The following GPR158 variants were observed in gnomAD, a reference collection of about 807,000 sequenced individuals.
GPR158 encodes G protein-coupled receptor 158.
Under a neutral mutation model 78.2 loss-of-function variants are expected in GPR158, and 30 were observed. The observed-to-expected ratio is 0.38, with a 90% CI of 0.29 to 0.52. The LOEUF is 0.52. Among genes scored for constraint, GPR158 ranks in the 20% least tolerant of loss-of-function variants. The pLI, the probability that GPR158 is intolerant of heterozygous loss-of-function variation, is 0.83. For synonymous variants in GPR158, 581 were observed against 591.1 expected (o/e 0.98, Z 0.25); for missense variants, 1,463 against 1,523.5 (o/e 0.96, Z 0.66).
chr10:25,320,562 T>C (rs1243007477), intron 2 of GPR158, among the ~76,000 whole-genome samples: 5 of 152,232 alleles, frequency 3.3e-5, no homozygotes, highest in Admixed American at 6.5e-5. Context: ...CAGAGATACC[T>C]TTAATGATCT....
intron 5 of GPR158, among the ~76,000 whole-genome samples, chr10:25,524,812 T>C (rs779213138): frequency 4.6e-5 from 7 of 152,174 alleles, no homozygotes; most frequent in Non-Finnish European, 1.0e-4. Context: ...AAAAACTATG[T>C]TGCAAGTTAT....
At chr10:25,407,485 A>G (rs910183988) in intron 3 of GPR158, among the ~76,000 whole-genome samples, 15 of 152,066 alleles carry the variant, frequency 9.9e-5, no homozygotes, top group African/African-American at 3.1e-4. Context: ...CCTTTTTCAC[A>G]TGTGTCAAGA....
At chr10:25,463,395 C>CTGGATGGATGGA (rs10532888) in intron 4 of GPR158, among the ~76,000 whole-genome samples, 71 of 149,682 alleles carry the variant, frequency 4.7e-4, no homozygotes, top group African/African-American at 1.7e-3. Context: ...TGAGGTTTGT[C>CTGGATGGATGGA]TGGATGGATG....
At chr10:25,296,138 A>C (rs1689488341) in intron 2 of GPR158, among the ~76,000 whole-genome samples, 1 of 151,946 alleles carries the variant, frequency 6.6e-6, no homozygotes, top group South Asian at 2.1e-4. Flanking sequence ...CCTGGAACAC[A>C]AATAACGTCA....
chr10:25,324,194 C>T (rs824156), intron 2 of GPR158, among the ~76,000 whole-genome samples: 57,535 of 152,174 alleles, frequency 0.38, 13,376 homozygotes, highest in Non-Finnish European at 0.53. Flanking sequence ...CTAACTGTTT[C>T]GCACGAGAGG....
At chr10:25,270,111 A>G (rs1419638716) in intron 2 of GPR158, among the ~76,000 whole-genome samples, 1 of 152,190 alleles carries the variant, frequency 6.6e-6, no homozygotes, top group Admixed American at 6.5e-5. Flanking sequence ...GGACACACAG[A>G]ATCTTCAACA....
In GPR158 at chr10:25,541,049, G is replaced by GT. The variant is rs201617788; in HGVS notation, c.1405-9921dup. Among the ~76,000 whole-genome samples the GT allele has an allele frequency of 4.1e-4, 62 of 150,354 alleles. No homozygotes were observed. In the East Asian group the frequency reaches 0.012, roughly 28 times the overall value. ...CCATGTGTACAATTTGAATTTAAAA[G>GT]TTTTTTCCACAAGGAATGTACCACT... On this transcript the variant is annotated intron_variant, in intron 5 of 10. Coordinates refer to ENST00000376351, the MANE Select transcript of GPR158 (RefSeq NM_020752.3).
chr10:25,513,756 A>T (rs1588893709), intron 5 of GPR158, among the ~76,000 whole-genome samples: 1 of 151,994 alleles, frequency 6.6e-6, no homozygotes, highest in Non-Finnish European at 1.5e-5. Flanking sequence ...TAAAATTTTC[A>T]TTTTGATTTC....
chr10:25,273,328 A>T (rs1378249478), intron 2 of GPR158, among the ~76,000 whole-genome samples: 2 of 151,752 alleles, frequency 1.3e-5, no homozygotes, highest in Non-Finnish European at 2.9e-5. Flanking sequence ...AAGGAGAAGA[A>T]GTTTAACAAA....
At chr10:25,576,456 T>G (rs902953515) in intron 7 of GPR158, among the ~76,000 whole-genome samples, 1 of 152,194 alleles carries the variant, frequency 6.6e-6, no homozygotes, top group African/African-American at 2.4e-5. Context: ...GAAAACTTAC[T>G]TACCAGGCAG....
At chr10:25,566,262 TTC>T (rs1044930877) in intron 6 of GPR158, among the ~76,000 whole-genome samples, 7 of 152,176 alleles carry the variant, frequency 4.6e-5, no homozygotes, top group South Asian at 2.1e-4. Context: ...CAGCAAAATT[TTC>T]TCTGTTTATA....
At chr10:25,211,004 C>T (rs917126344) in intron 1 of GPR158, among the ~76,000 whole-genome samples, 7 of 151,856 alleles carry the variant, frequency 4.6e-5, no homozygotes, top group Middle Eastern at 3.2e-3. Context: ...TGGTGGCAGG[C>T]GCCTGTAGTC....
chr10:25,229,313 G>A (rs1055799136), intron 2 of GPR158, among the ~76,000 whole-genome samples: 43 of 152,210 alleles, frequency 2.8e-4, no homozygotes, highest in African/African-American at 9.9e-4. Flanking sequence ...GATTACTAAC[G>A]CAAATAACCC....
At chr10:25,268,940 T>A (rs1854079533) in intron 2 of GPR158, among the ~76,000 whole-genome samples, 1 of 152,214 alleles carries the variant, frequency 6.6e-6, no homozygotes, top group African/African-American at 2.4e-5. Context: ...CTTTAAGGTG[T>A]GAGTAAAACA....
At chr10:25,463,762 A>G (rs1835387827) in intron 4 of GPR158, among the ~76,000 whole-genome samples, 1 of 151,280 alleles carries the variant, frequency 6.6e-6, no homozygotes, top group Non-Finnish European at 1.5e-5. Context: ...TCCTCACCCT[A>G]CCAGTGAGAC....
intron 2 of GPR158, among the ~76,000 whole-genome samples, chr10:25,276,988 C>T (rs151108028): frequency 0.01 from 1,555 of 150,786 alleles, 23 homozygotes; most frequent in South Asian, 0.057. Context: ...CTCACTCTGT[C>T]GCCCAGGCTG....
In GPR158 at chr10:25,391,561, T is replaced by G. The variant is rs112028935; in HGVS notation, c.1009-4350T>G. ...TTTCATGAGGCCTGTAGCCCCTTTATGTTGGCCAATTTATCCCATTTGGAA... is the reference window on the plus strand; with the variant it reads ...TTTCATGAGGCCTGTAGCCCCTTTAGGTTGGCCAATTTATCCCATTTGGAA... On this transcript the variant is annotated intron_variant, in intron 2 of 10. Coordinates refer to ENST00000376351, the MANE Select transcript of GPR158 (RefSeq NM_020752.3). 8.0e-3 allele frequency among the ~76,000 whole-genome samples: 1,218 copies of G among 152,312 alleles called. 19 individuals are homozygous for G. Among genetic ancestry groups the G allele is most frequent in the African/African-American group, 0.027 (1,128 of 41,564 alleles).
chr10:25,252,964 A>C (rs577293147), intron 2 of GPR158, among the ~76,000 whole-genome samples: 6 of 152,240 alleles, frequency 3.9e-5, no homozygotes, highest in Non-Finnish European at 7.4e-5. Context: ...GCAATCAGCG[A>C]GATTCCGTGG....
intron 2 of GPR158, among the ~76,000 whole-genome samples, chr10:25,260,309 A>G (rs2130732773): frequency 6.6e-6 from 1 of 152,142 alleles, no homozygotes; most frequent in Middle Eastern, 3.4e-3. Flanking sequence ...AATTTTGCAT[A>G]TATTATGAGG....
Sources: gnomAD v4.1 joint callset for allele counts (sites outside exome capture counted in the v4.1 genomes callset) on GRCh38, gnomAD v4.1.1 for gene constraint, MANE v1.5 for transcripts, NCBI Gene and HGNC (gene_info 2026-07-23, HGNC 2026-07-21) for gene names.